WDR11: variants seen among roughly 807,000 people sequenced by gnomAD.
WDR11 encodes WD repeat domain 11, also known as WD repeat-containing protein 11.
WDR11 carries 83 observed loss-of-function variants against 151.2 expected under a neutral mutation model. The ratio of observed to expected loss-of-function variants is 0.55; its 90% CI spans 0.46 to 0.66. The LOEUF (loss-of-function observed/expected upper bound fraction) is 0.66, where lower values mean the gene tolerates loss of function less well. Ranked by LOEUF, WDR11 falls within the 30% of genes least tolerant of loss-of-function variation. The pLI is 0.00. For missense variants in WDR11, 1,301 were observed against 1,480.9 expected (o/e 0.88, Z 1.99); for synonymous variants, 484 against 533.1 (o/e 0.91, Z 1.27).
intron 1 of WDR11, 91 bp downstream of exon 1, chr10:120,851,597 T>C: frequency 6.6e-7 from 1 of 1,506,278 alleles, no homozygotes; most frequent in Non-Finnish European, 9.0e-7. Context: ...CCCTGGTTAG[T>C]TTGGCCTCGC....
At chr10:120,874,176 G>GTTTTTTTTTTTTTTTTTT (rs66873217) in intron 11 of WDR11, among the ~76,000 whole-genome samples, 8 of 83,486 alleles carry the variant, frequency 9.6e-5, no homozygotes, top group South Asian at 3.5e-4. Flanking sequence ...GGTTTTTGCA[G>GTTTTTTTTTTTTTTTTTT]TTTTTTTTTT....
At chr10:120,852,003 T>A (rs1845792914) in intron 1 of WDR11, 1 of 203,330 alleles carries the variant, frequency 4.9e-6, no homozygotes, top group African/African-American at 2.4e-5. Flanking sequence ...CTTCAACAGG[T>A]CGTCTTTATT....
intron 5 of WDR11, 121 bp from the exon 6 acceptor site, chr10:120,864,926 C>T: frequency 1.7e-6 from 2 of 1,205,636 alleles, no homozygotes; most frequent in Non-Finnish European, 2.4e-6. Flanking sequence ...ATGTTGGTCA[C>T]TTCAGGGAAT....
At chr10:120,861,243 G>T (rs909672486) in intron 4 of WDR11, among the ~76,000 whole-genome samples, 2 of 152,168 alleles carry the variant, frequency 1.3e-5, no homozygotes, top group African/African-American at 4.8e-5. Flanking sequence ...GTGTGTGTCT[G>T]CACGTGTTAA....
intron 19 of WDR11, among the ~76,000 whole-genome samples, chr10:120,899,411 A>G (rs1367657721): frequency 3.3e-5 from 5 of 152,156 alleles, no homozygotes; most frequent in African/African-American, 9.7e-5. Flanking sequence ...CTTTGTTGCT[A>G]TTTGTTGAAT....
chr10:120,859,136 T>C (rs1413335159), intron 3 of WDR11, among the ~76,000 whole-genome samples: 1 of 152,198 alleles, frequency 6.6e-6, no homozygotes, highest in African/African-American at 2.4e-5. Context: ...GAACTAGCCA[T>C]CAGTGCTTAC....
intron 2 of WDR11, among the ~76,000 whole-genome samples, chr10:120,857,301 A>G (rs766998787): frequency 6.6e-6 from 1 of 152,208 alleles, no homozygotes; most frequent in Non-Finnish European, 1.5e-5. Context: ...GGGAACACAC[A>G]TGTATGTTCG....
rs554834128 is a variant in WDR11 at position 120,878,389 on chromosome 10, T to G, written c.1593T>G (p.Ser531=). 6 of 1,613,244 alleles carry G rather than the reference T, an allele frequency of 3.7e-6. No homozygotes were observed. In the Admixed American group the frequency reaches 1.0e-4, roughly 27 times the overall value. Residue 531 remains serine (S), a synonymous_variant, in exon 12 of 29, where the codon TCT becomes TCG. Coordinates refer to ENST00000263461, the MANE Select transcript of WDR11 (RefSeq NM_018117.12). ...IEWTSLTSFL[S]FATSTPNNMG... is the part of the protein sequence containing the mutation. The stretch of plus-strand genomic sequence containing the variant: ...GGACAAGTTTGACTAGTTTTCTTTC[T>G]TTTGCTACCTCAACACCAAACAATA...
intron 11 of WDR11, among the ~76,000 whole-genome samples, chr10:120,875,716 G>A (rs1211528142): frequency 6.6e-6 from 1 of 151,938 alleles, no homozygotes; most frequent in East Asian, 1.9e-4. Context: ...TGTTGGCCAG[G>A]CTGATGTTGA....
intron 1 of WDR11, chr10:120,851,714 C>A (rs1045929028): frequency 3.2e-6 from 2 of 623,596 alleles, no homozygotes; most frequent in African/African-American, 1.8e-5. Flanking sequence ...CATGCAAATA[C>A]ATTTCCCCTC....
chr10:120,881,828 G>A (rs1396699317), intron 13 of WDR11, among the ~76,000 whole-genome samples: 2 of 151,724 alleles, frequency 1.3e-5, no homozygotes, highest in Admixed American at 1.3e-4. Context: ...ACATCTTTTC[G>A]ATCTATAGGC....
Position 120,851,430 on chromosome 10 carries a change from T to A in WDR11, c.10T>A (p.Tyr4Asn), listed in dbSNP as rs1413909768. Residue 4 changes from tyrosine (Y) to asparagine (N), a missense_variant, in exon 1 of 29, where the codon TAC becomes AAC. Around this residue, in one of 3 missense-constraint regions of WDR11, gnomAD observed 692 missense variants for 762.5 expected, o/e 0.91. Transcript: ENST00000263461. MLP[Y>N]TVNFKVSART... ...TGGGCTGGCCGCCGGGATGTTGCCC[T>A]ACACAGTGAACTTCAAGGTGTCGGC... 3.7e-6 allele frequency: 6 copies of A among 1,611,534 alleles called. No individual in the cohort carries two copies. The highest frequency in any genetic ancestry group is 1.1e-5 in the South Asian group (1 of 90,396).
chr10:120,905,818 T>C, intron 26 of WDR11, 58 bp from the exon 27 acceptor site: 2 of 1,613,970 alleles, frequency 1.2e-6, no homozygotes, highest in South Asian at 2.2e-5. Context: ...ACTGAATTAT[T>C]ATTTTTTCTT....
Position 120,866,693 on chromosome 10 carries a change from C to T in WDR11, c.1119C>T (p.Leu373=), listed in dbSNP as rs143915270. The stretch of plus-strand genomic sequence containing the variant: ...CTGTCAATGAGAATGCAGCCGCCCT[C>T]GTAGTGAGTGATGGCAGGGTCATGA... ...CCPVNENAAA[L]VVSDGRVMIW... The change falls in exon 8 of 29, where the codon CTC becomes CTT. Residue 373 remains leucine, a synonymous_variant. Transcript: ENST00000263461. 27 of 1,613,982 alleles carry T rather than the reference C, an allele frequency of 1.7e-5. No individual in the cohort carries two copies. The highest frequency in any genetic ancestry group is 2.2e-5 in the South Asian group (2 of 91,084).
chr10:120,860,314 A>G (rs1406106352), intron 4 of WDR11, 32 bp downstream of exon 4: 2 of 1,603,690 alleles, frequency 1.2e-6, no homozygotes, highest in Non-Finnish European at 8.5e-7. Flanking sequence ...AAAATGAGTT[A>G]AGTGAGATAT....
At chr10:120,864,981 T>G in intron 5 of WDR11, 66 bp from the exon 6 acceptor site, 2 of 1,558,910 alleles carry the variant, frequency 1.3e-6, no homozygotes, top group Non-Finnish European at 1.8e-6. Context: ...AAGTACAAAA[T>G]TAAATCTTTT....
At chr10:120,895,196 GTA>G (rs1328164617) in intron 19 of WDR11, among the ~76,000 whole-genome samples, 1 of 151,870 alleles carries the variant, frequency 6.6e-6, no homozygotes, top group African/African-American at 2.4e-5. Context: ...AGATTATTAT[GTA>G]TAGTTAATTT....
At chr10:120,871,507 A>T (rs76163215) in intron 10 of WDR11, among the ~76,000 whole-genome samples, 161 bp downstream of exon 10, 2 of 136,270 alleles carry the variant, frequency 1.5e-5, no homozygotes, top group Non-Finnish European at 3.2e-5. Flanking sequence ...AAAAAAAAAA[A>T]TTTCTGTCCT....
At chr10:120,900,721 ATTG>A (rs747771626) in intron 20 of WDR11, among the ~76,000 whole-genome samples, 13 of 152,192 alleles carry the variant, frequency 8.5e-5, no homozygotes, top group Admixed American at 1.3e-4. Context: ...CTTTAGTAAC[ATTG>A]TTAAGTTCTT....
Sources: allele counts gnomAD v4.1 joint callset (sites outside exome capture counted in the v4.1 genomes callset), GRCh38; gene constraint gnomAD v4.1.1; regional missense constraint gnomAD v4.1.1; transcripts MANE v1.5; gene names NCBI Gene and HGNC (gene_info 2026-07-23, HGNC 2026-07-21).